ZEB1: variants seen among roughly 807,000 people sequenced by gnomAD.
ZEB1 encodes the protein zinc finger E-box-binding homeobox 1.
In ZEB1, 21 loss-of-function variants were observed where a neutral mutation model predicts 84.9. That is an observed-to-expected ratio of 0.25 (90% CI 0.18 to 0.36). The LOEUF (loss-of-function observed/expected upper bound fraction) is 0.36. Among genes scored for constraint, ZEB1 ranks in the 10% least tolerant of loss-of-function variants. ZEB1 has a pLI of 1.00. For synonymous variants in ZEB1, 420 were observed against 471.1 expected (o/e 0.89, Z 1.41); for missense variants, 1,104 against 1,330.2 (o/e 0.83, Z 2.65).
chr10:31,459,644 G>A (rs974223321), intron 1 of ZEB1, among the ~76,000 whole-genome samples: 4 of 152,002 alleles, frequency 2.6e-5, no homozygotes, highest in South Asian at 2.1e-4. Context: ...AAAACTTGAC[G>A]TTTTTCTTCT....
intron 1 of ZEB1, among the ~76,000 whole-genome samples, chr10:31,388,440 A>G (rs1019349616): frequency 6.6e-6 from 1 of 152,102 alleles, no homozygotes; most frequent in African/African-American, 2.4e-5. Context: ...ATTTTTCAAA[A>G]CCGTTGTTCT....
chr10:31,380,530 C>T (rs993664397), intron 1 of ZEB1, among the ~76,000 whole-genome samples: 64 of 151,990 alleles, frequency 4.2e-4, no homozygotes, highest in African/African-American at 1.5e-3. Flanking sequence ...CCAATCTTTC[C>T]TCCCGTGGGA....
intron 4 of ZEB1, among the ~76,000 whole-genome samples, chr10:31,502,755 G>A (rs2068343418): frequency 1.3e-5 from 2 of 152,118 alleles, no homozygotes; most frequent in South Asian, 4.1e-4. Flanking sequence ...AACAGTGTCT[G>A]GACATCAAAT....
At chr10:31,363,590 C>G (rs1351435543) in intron 1 of ZEB1, 2 of 1,521,488 alleles carry the variant, frequency 1.3e-6, no homozygotes, top group African/African-American at 1.4e-5. Context: ...TTGGGCTCTT[C>G]TGCGCTCACC....
intron 1 of ZEB1, among the ~76,000 whole-genome samples, chr10:31,430,184 G>A (rs1488220550): frequency 4.6e-5 from 7 of 152,156 alleles, no homozygotes; most frequent in East Asian, 3.9e-4. Flanking sequence ...GTTTGTAATC[G>A]TAGGCAATTT....
At chr10:31,400,370 A>G (rs571470319) in intron 1 of ZEB1, among the ~76,000 whole-genome samples, 13 of 152,174 alleles carry the variant, frequency 8.5e-5, no homozygotes, top group South Asian at 2.1e-4. Context: ...TAAGCATTCA[A>G]ATATTCCAGT....
intron 1 of ZEB1, among the ~76,000 whole-genome samples, chr10:31,404,220 G>GTTT (rs144566817): frequency 3.4e-5 from 5 of 147,820 alleles, no homozygotes; most frequent in African/African-American, 1.2e-4. Context: ...TTCTGCAGCC[G>GTTT]TTTTTTTTTT....
chr10:31,389,692 C>G (rs1351276261), intron 1 of ZEB1: 1 of 151,778 alleles, frequency 6.6e-6, no homozygotes, highest in Non-Finnish European at 1.5e-5. Context: ...TAAATAGAAG[C>G]TACGTATGTA....
intron 1 of ZEB1, among the ~76,000 whole-genome samples, chr10:31,422,737 G>T (rs996319340): frequency 2.0e-5 from 3 of 152,028 alleles, no homozygotes; most frequent in Non-Finnish European, 2.9e-5. Context: ...ATTGTGTGAT[G>T]CTAAGGTTTT....
chr10:31,485,196 A>G (rs998025673), intron 2 of ZEB1, among the ~76,000 whole-genome samples: 1 of 151,970 alleles, frequency 6.6e-6, no homozygotes, highest in Non-Finnish European at 1.5e-5. Context: ...TGTAATAAAG[A>G]TAATTTTAAG....
chr10:31,389,681 A>G (rs966258192), intron 1 of ZEB1: 1 of 152,156 alleles, frequency 6.6e-6, no homozygotes, highest in African/African-American at 2.4e-5. Context: ...AATTCGAGCC[A>G]TAAATAGAAG....
chr10:31,387,053 A>G (rs1398407481), intron 1 of ZEB1: 1 of 973,590 alleles, frequency 1.0e-6, no homozygotes, highest in African/African-American at 1.8e-5. Context: ...TTCATTTTGT[A>G]ATATAGAAGA....
chr10:31,440,505 G>C (rs2058800923), intron 1 of ZEB1, among the ~76,000 whole-genome samples: 1 of 152,034 alleles, frequency 6.6e-6, no homozygotes, highest in Non-Finnish European at 1.5e-5. Flanking sequence ...GCAAGACAGG[G>C]GTGCCCTTTC....
intron 1 of ZEB1, among the ~76,000 whole-genome samples, chr10:31,343,612 G>C (rs1029914947): frequency 6.6e-6 from 1 of 151,990 alleles, no homozygotes; most frequent in African/African-American, 2.4e-5. Flanking sequence ...TTCTGTCATA[G>C]CTCTTAGGAA....
chr10:31,432,252 A>G (rs896636591), intron 1 of ZEB1, among the ~76,000 whole-genome samples: 22 of 152,224 alleles, frequency 1.4e-4, no homozygotes, highest in African/African-American at 5.3e-4. Flanking sequence ...TGTATGCTGT[A>G]TGAATGAGGA....
chr10:31,462,926 G>A (rs909453121), intron 2 of ZEB1, among the ~76,000 whole-genome samples: 2 of 151,996 alleles, frequency 1.3e-5, no homozygotes, highest in Admixed American at 6.6e-5. Flanking sequence ...AAGACAGAAA[G>A]GAGATAGAAT....
chr10:31,426,227 G>A (rs773317824), intron 1 of ZEB1, among the ~76,000 whole-genome samples: 49 of 152,288 alleles, frequency 3.2e-4, no homozygotes, highest in Admixed American at 8.5e-4. Context: ...TGCCAATGTT[G>A]CACTTGTTGC....
At chr10:31,327,301 G>A (rs1360546764) in intron 1 of ZEB1, among the ~76,000 whole-genome samples, 1 of 151,634 alleles carries the variant, frequency 6.6e-6, no homozygotes, top group Non-Finnish European at 1.5e-5. Context: ...AGTAAAGATG[G>A]GGTTTTGCCA....
chr10:31,320,812 G>A (rs945407628), intron 1 of ZEB1: 1 of 152,248 alleles, frequency 6.6e-6, no homozygotes, highest in African/African-American at 2.4e-5. Flanking sequence ...TGTGGCGAGA[G>A]GGGCGAGACT....
Sources: allele counts gnomAD v4.1 joint callset (sites outside exome capture counted in the v4.1 genomes callset), GRCh38; gene constraint gnomAD v4.1.1; transcripts MANE v1.5; gene names NCBI Gene and HGNC (gene_info 2026-07-23, HGNC 2026-07-21).